TGFBRAP1: variants seen among roughly 807,000 people sequenced by gnomAD.
TGFBRAP1 encodes the protein transforming growth factor-beta receptor-associated protein 1.
A neutral mutation model predicts 83.2 loss-of-function variants in TGFBRAP1; 20 were observed. The ratio of observed to expected loss-of-function variants is 0.24; its 90% confidence interval spans 0.17 to 0.35. The LOEUF (loss-of-function observed/expected upper bound fraction) is 0.35. Among genes scored for constraint, TGFBRAP1 ranks in the 10% least tolerant of loss-of-function variants. TGFBRAP1 has a pLI of 1.00. For synonymous variants in TGFBRAP1, 415 were observed against 459.8 expected (o/e 0.90, Z 1.25); for missense variants, 950 against 1,099.4 (o/e 0.86, Z 1.92).
At chr2:105,260,610 A>G (rs1676767161), downstream of TGFBRAP1, among the ~76,000 whole-genome samples, 1 of 152,170 alleles carries the variant, frequency 6.6e-6, no homozygotes, top group Admixed American at 6.5e-5. Flanking sequence ...CAGGGAGTCA[A>G]TGTTTAATGG....
intron 1 of TGFBRAP1, among the ~76,000 whole-genome samples, chr2:105,316,465 G>GCGCGCA (rs1678872450): frequency 1.7e-5 from 1 of 58,452 alleles, no homozygotes. Context: ...GTGTGTGTGC[G>GCGCGCA]CGCGCGCGCG....
intron 1 of TGFBRAP1, chr2:105,324,227 C>T (rs1007988034): frequency 6.6e-5 from 10 of 152,140 alleles, no homozygotes; most frequent in African/African-American, 2.2e-4. Flanking sequence ...AAGACGTTAA[C>T]AAAAGAGGAA....
chr2:105,284,405 G>A lies in TGFBRAP1; in HGVS notation c.1039-7C>T. 6.2e-7 allele frequency: 1 copy of A among 1,613,576 alleles called. No homozygotes were observed. The highest frequency in any genetic ancestry group is 8.5e-7 in the Non-Finnish European group (1 of 1,179,626). Reference sequence around the variant, plus strand: ...GAATCCTTCTGTACATTACCTGCAAGGAAAGACGGGTGTAATCTCTTAGTG... The same window carrying A: ...GAATCCTTCTGTACATTACCTGCAAAGAAAGACGGGTGTAATCTCTTAGTG... On this transcript the variant is annotated splice_region_variant and splice_polypyrimidine_tract_variant and intron_variant, in intron 4 of 11. Coordinates refer to ENST00000393359, the MANE Select transcript of TGFBRAP1 (RefSeq NM_004257.6).
At position 105,293,550 on chromosome 2, in the gene TGFBRAP1, C is replaced by T. The variant is rs182496185; in HGVS notation, c.1038+2806G>A. Reference sequence around the variant, plus strand: ...ACTGAGCTCAAGCTTCTCATCCTCTCCCTTCCTGGTTTCTCTAAGCTTAGG... The same window carrying T: ...ACTGAGCTCAAGCTTCTCATCCTCTTCCTTCCTGGTTTCTCTAAGCTTAGG... On this transcript the variant is annotated intron_variant, in intron 4 of 11. Transcript: ENST00000393359. 9.1e-3 allele frequency among the ~76,000 whole-genome samples: 1,385 copies of T among 152,306 alleles called. 9 individuals are homozygous for T. The highest frequency in any genetic ancestry group is 0.015 in the Non-Finnish European group (1,047 of 68,032).
At chr2:105,305,526 G>A (rs971821265) in intron 2 of TGFBRAP1, among the ~76,000 whole-genome samples, 1 of 152,178 alleles carries the variant, frequency 6.6e-6, no homozygotes, top group Non-Finnish European at 1.5e-5. Context: ...CACTGCTAAA[G>A]CCCCTTTTGA....
chr2:105,261,003 T>C (rs150658821), downstream of TGFBRAP1, among the ~76,000 whole-genome samples: 5 of 152,336 alleles, frequency 3.3e-5, no homozygotes, highest in East Asian at 7.7e-4. Context: ...AACTGAGAAA[T>C]GCTCTCCTGT....
Position 105,296,424 on chromosome 2 carries a change from G to A in TGFBRAP1, c.970C>T (p.Arg324Cys), listed in dbSNP as rs758964139. The change falls in exon 4 of 12, where the codon CGC becomes TGC. Residue 324 changes from arginine (R) to cysteine (C), a missense_variant. By Grantham distance (180) the Arg-to-Cys change is radical. Coordinates refer to ENST00000393359, the MANE Select transcript of TGFBRAP1 (RefSeq NM_004257.6). ...EKQIQDLLAS[R>C]RVEEALVLAK... Reference sequence around the variant, plus strand: ...AAAACCAAAGCCTCTTCTACTCTGCGGCTTGCTAGAAGATCCTGTATTTGT... The same window carrying A: ...AAAACCAAAGCCTCTTCTACTCTGCAGCTTGCTAGAAGATCCTGTATTTGT... 2.9e-5 allele frequency: 46 copies of A among 1,613,894 alleles called. No individual in the cohort carries two copies. Among genetic ancestry groups the A allele is most frequent in the Middle Eastern group, 1.6e-4 (1 of 6,082 alleles).
At chr2:105,328,924 A>G (rs1464963307) in intron 1 of TGFBRAP1, among the ~76,000 whole-genome samples, 2 of 152,198 alleles carry the variant, frequency 1.3e-5, no homozygotes, top group Non-Finnish European at 2.9e-5. Flanking sequence ...CACTTAACAC[A>G]GGGAGGCAGG....
intron 2 of TGFBRAP1, 107 bp downstream of exon 2, chr2:105,307,507 T>C (rs774520529): frequency 7.9e-5 from 96 of 1,214,072 alleles, no homozygotes; most frequent in South Asian, 1.2e-4. Flanking sequence ...ACACGCCCAA[T>C]GTCACTGAGG....
At chr2:105,257,479 T>C in the TGFBRAP1 span, among the ~76,000 whole-genome samples, 9 of 152,186 alleles carry the variant, frequency 5.9e-5, no homozygotes, top group Non-Finnish European at 1.2e-4. Flanking sequence ...AACCTGACTA[T>C]TCTAGGTGTC....
intron 1 of TGFBRAP1, among the ~76,000 whole-genome samples, chr2:105,313,082 A>G (rs970299694): frequency 5.8e-4 from 89 of 152,276 alleles, no homozygotes; most frequent in African/African-American, 2.1e-3. Flanking sequence ...ACTGCACTCC[A>G]GCCTGGGCAA....
chr2:105,261,474 G>A (rs867573645), downstream of TGFBRAP1, among the ~76,000 whole-genome samples: 15 of 152,252 alleles, frequency 9.9e-5, no homozygotes, highest in Middle Eastern at 3.4e-3. Flanking sequence ...AAGGGGAGCC[G>A]GGCACAGTGG....
In TGFBRAP1 at chr2:105,313,528, G is replaced by A. The variant is rs190149668; in HGVS notation, c.-17-5210C>T. Among the ~76,000 whole-genome samples the A allele has an allele frequency of 2.6e-5, 4 of 152,136 alleles. No individual in the cohort carries two copies. In the South Asian group the frequency reaches 8.3e-4, roughly 32 times the overall value. On this transcript the variant is annotated intron_variant, in intron 1 of 11. Transcript: ENST00000393359. ...ATTTCACATAATAAATGTTTCTAAG[G>A]ATAAAAAGATAAATAAAAGAGGGAA...
intron 4 of TGFBRAP1, among the ~76,000 whole-genome samples, chr2:105,285,476 T>C (rs910167586): frequency 2.6e-5 from 4 of 152,238 alleles, no homozygotes; most frequent in Admixed American, 2.0e-4. Context: ...GTAAGAATTG[T>C]TGGACCATGA....
chr2:105,254,424 A>C, the TGFBRAP1 span, among the ~76,000 whole-genome samples: 1 of 152,172 alleles, frequency 6.6e-6, no homozygotes, highest in African/African-American at 2.4e-5. Context: ...CTTAGGAGGC[A>C]TTATTCAAGA....
intron 1 of TGFBRAP1, among the ~76,000 whole-genome samples, chr2:105,313,806 T>A (rs1181769437): frequency 1.3e-5 from 2 of 151,946 alleles, no homozygotes; most frequent in Non-Finnish European, 2.9e-5. Flanking sequence ...AAGAAAAAAC[T>A]ATTTCAAAAG....
rs552093626 is a variant in TGFBRAP1 at position 105,272,196 on chromosome 2, C to A, written c.1972+659G>T. ...TCTACCAGTTGCAAGCACCATGCTG[C>A]GCTGTGGAACTTTACACAATACAGA... On this transcript the variant is annotated intron_variant, in intron 10 of 11. Transcript: ENST00000393359. Among the ~76,000 whole-genome samples, 124 of 152,330 alleles carry A rather than the reference C, an allele frequency of 8.1e-4. No homozygotes were observed. The South Asian group carries it at 0.024, about 30-fold the overall frequency.
Position 105,269,288 on chromosome 2 carries a change from A to G in TGFBRAP1, c.2390T>C (p.Ile797Thr). The change falls in exon 11 of 12, where the codon ATC becomes ACC. Residue 797 changes from isoleucine to threonine, a missense_variant. Ile to Thr is a moderately conservative substitution (Grantham distance 89, BLOSUM62 -1). Coordinates refer to ENST00000393359, the MANE Select transcript of TGFBRAP1 (RefSeq NM_004257.6). This position sits in a 1 kb window ranked among gnomAD's most constrained non-coding sequence, Gnocchi z 4.1. ...ALGLARSENL[I>T]YTYDKMKLKG... ...AGCACTTACCTTATCGTAGGTGTAG[A>G]TTAAGTTTTCGGACCTGGCCAGGCC... 1 of 1,606,688 alleles carries G rather than the reference A, an allele frequency of 6.2e-7. No individual in the cohort carries two copies. The highest frequency in any genetic ancestry group is 8.5e-7 in the Non-Finnish European group (1 of 1,174,236).
At chr2:105,276,191 CCT>C (rs1677337300) in intron 7 of TGFBRAP1, among the ~76,000 whole-genome samples, 1 of 152,128 alleles carries the variant, frequency 6.6e-6, no homozygotes, top group Non-Finnish European at 1.5e-5. Flanking sequence ...GATTCTGTCC[CCT>C]GAGTTCACAC....
Sources: allele counts gnomAD v4.1 joint callset (sites outside exome capture counted in the v4.1 genomes callset), GRCh38; gene constraint gnomAD v4.1.1; non-coding constraint Gnocchi (gnomAD v3.1); transcripts MANE v1.5; gene names NCBI Gene and HGNC (gene_info 2026-07-23, HGNC 2026-07-21).